TRIM22: variants seen among roughly 807,000 people sequenced by gnomAD.
TRIM22 encodes the protein E3 ubiquitin-protein ligase TRIM22.
In TRIM22, 45 loss-of-function variants were observed where a neutral mutation model predicts 53.6. The ratio of observed to expected loss-of-function variants is 0.84; its 90% CI spans 0.66 to 1.08. The LOEUF (loss-of-function observed/expected upper bound fraction) is 1.08. TRIM22 is among the 50% of genes least tolerant of loss of function. The probability of loss-of-function intolerance (pLI) is 0.00; values close to 1 mark genes in which losing one functional copy is unlikely to be tolerated. For synonymous variants in TRIM22, 225 were observed against 216.6 expected (o/e 1.04, Z -0.34); for missense variants, 616 against 590.9 (o/e 1.04, Z -0.44).
chr11:5,696,862 C>G (rs1208849195), intron 2 of TRIM22: 6 of 582,270 alleles, frequency 1.0e-5, no homozygotes, highest in Middle Eastern at 4.4e-4. Context: ...AAATTTTTAG[C>G]AAGGAAAAGT....
At chr11:5,702,856 C>G (rs1469795755) in intron 4 of TRIM22, among the ~76,000 whole-genome samples, 5 of 152,100 alleles carry the variant, frequency 3.3e-5, no homozygotes, top group Non-Finnish European at 1.5e-5. Context: ...AAAGTATTTC[C>G]TTCATTATTG....
At chr11:5,691,411 C>A (rs1453161201) in intron 1 of TRIM22, among the ~76,000 whole-genome samples, 1 of 152,194 alleles carries the variant, frequency 6.6e-6, no homozygotes, top group Non-Finnish European at 1.5e-5. Context: ...CTTTTCTATA[C>A]AATGTCTGGA....
intron 1 of TRIM22, 42 bp downstream of exon 1, chr11:5,689,941 G>A (rs1224010650): frequency 6.6e-6 from 1 of 152,312 alleles, no homozygotes; most frequent in African/African-American, 2.4e-5. Flanking sequence ...GGGAGGCTTT[G>A]AGAAGAATAG....
chr11:5,699,441 G>A (rs938969082), intron 4 of TRIM22, among the ~76,000 whole-genome samples: 12 of 137,298 alleles, frequency 8.7e-5, no homozygotes, highest in East Asian at 6.2e-4. Flanking sequence ...GGAGAATGGC[G>A]TGAACCCGGG....
chr11:5,708,644 T>C (rs141145180), intron 7 of TRIM22, 41 bp downstream of exon 7: 106 of 1,579,806 alleles, frequency 6.7e-5, no homozygotes, highest in South Asian at 6.4e-4. Flanking sequence ...CCTTTCAGAA[T>C]TGTGGTTACT....
At chr11:5,702,710 T>A (rs1398902379) in intron 4 of TRIM22, among the ~76,000 whole-genome samples, 1 of 152,096 alleles carries the variant, frequency 6.6e-6, no homozygotes, top group Non-Finnish European at 1.5e-5. Flanking sequence ...ATCTTATATA[T>A]TAGTTGAGAA....
chr11:5,708,720 T>A, intron 7 of TRIM22, 117 bp downstream of exon 7: 1 of 913,522 alleles, frequency 1.1e-6, no homozygotes. Context: ...GTAGTTCTTT[T>A]TTTTTTTTTT....
chr11:5,696,400 T>A lies in TRIM22; in HGVS notation c.168T>A (p.Cys56Ter). ...SVIISRGESS[C>*]PVCQTRFQPG... The stretch of plus-strand genomic sequence containing the variant: ...TCATCTCAAGAGGGGAAAGCAGCTG[T>A]CCTGTGTGTCAGACCAGATTCCAGC... The change falls in exon 2 of 8, where the codon TGT becomes TGA. Residue 56 changes from cysteine to a stop codon, truncating the protein, a stop_gained. Coordinates refer to ENST00000379965, the MANE Select transcript of TRIM22 (RefSeq NM_006074.5). LOFTEE classifies it high-confidence loss of function. The A allele has an allele frequency of 6.2e-7, 1 of 1,614,234 alleles. No homozygotes were observed. Among genetic ancestry groups the A allele is most frequent in the Non-Finnish European group, 8.5e-7 (1 of 1,180,036 alleles).
At chr11:5,700,352 C>A (rs1161200465) in intron 4 of TRIM22, among the ~76,000 whole-genome samples, 1 of 152,010 alleles carries the variant, frequency 6.6e-6, no homozygotes. Flanking sequence ...TGAGCTCAGG[C>A]AATCTGCCCG....
rs757947570 is a variant in TRIM22, at chr11:5,708,643, A to G, written c.901+40A>G. The G allele has an allele frequency of 2.1e-5, 33 of 1,586,686 alleles. No individual in the cohort carries two copies. The Middle Eastern group carries it at 8.4e-4, about 40-fold the overall frequency. On this transcript the variant is annotated intron_variant, in intron 7 of 7. Transcript: ENST00000379965. ...GGTTTTCAAATCACTTCCTTTCAGAATTGTGGTTACTATTAGATCTCATAA... is the reference window on the plus strand; with the variant it reads ...GGTTTTCAAATCACTTCCTTTCAGAGTTGTGGTTACTATTAGATCTCATAA...
Position 5,708,235 on chromosome 11 carries a change from G to A in TRIM22, c.836G>A (p.Arg279Gln), listed in dbSNP as rs181298463. ...SVSKKLKSVF[R>Q]VPDLSGMLQV... ...TCCAAGAAACTAAAGAGTGTATTCCGAGTACCAGATCTGAGTGGGATGCTG... is the reference window on the plus strand; with the variant it reads ...TCCAAGAAACTAAAGAGTGTATTCCAAGTACCAGATCTGAGTGGGATGCTG... Residue 279 changes from arginine (R) to glutamine (Q), a missense_variant, in exon 6 of 8, where the codon CGA becomes CAA. Coordinates refer to ENST00000379965, the MANE Select transcript of TRIM22 (RefSeq NM_006074.5). The A allele has an allele frequency of 1.9e-4, 313 of 1,614,150 alleles. 8 individuals carry two copies. In the Admixed American group the frequency reaches 4.6e-3, roughly 24 times the overall value.
At chr11:5,695,670 G>A (rs1168287228) in intron 1 of TRIM22, among the ~76,000 whole-genome samples, 1 of 151,846 alleles carries the variant, frequency 6.6e-6, no homozygotes, top group African/African-American at 2.4e-5. Context: ...ACTTAAAAAT[G>A]ATGTTTGATG....
At chr11:5,707,268 A>G (rs920652717) in intron 5 of TRIM22, among the ~76,000 whole-genome samples, 1 of 152,210 alleles carries the variant, frequency 6.6e-6, no homozygotes. Context: ...TTCCCCAAAT[A>G]ACTTGAAACC....
intron 6 of TRIM22, 21 bp from the exon 7 acceptor site, chr11:5,708,556 C>A: frequency 6.3e-7 from 1 of 1,599,568 alleles, no homozygotes; most frequent in South Asian, 1.1e-5. Flanking sequence ...AACAACATCA[C>A]TGAAACTTTT....
intron 4 of TRIM22, among the ~76,000 whole-genome samples, chr11:5,701,369 A>C (rs1418709034): frequency 6.6e-6 from 1 of 150,922 alleles, no homozygotes; most frequent in East Asian, 1.9e-4. Context: ...AATATTTTGG[A>C]GTATTACAGC....
In TRIM22 at chr11:5,708,211, C is replaced by G. The variant is rs771855880; in HGVS notation, c.812C>G (p.Ser271Cys). 6.2e-7 allele frequency: 1 copy of G among 1,614,168 alleles called. No individual in the cohort carries two copies. Among genetic ancestry groups the G allele is most frequent in the South Asian group, 1.1e-5 (1 of 91,088 alleles). Residue 271 changes from serine (S) to cysteine (C), a missense_variant, in exon 6 of 8, where the codon TCC (serine) becomes TGC (cysteine). Coordinates refer to ENST00000379965, the MANE Select transcript of TRIM22 (RefSeq NM_006074.5). The stretch of plus-strand genomic sequence containing the variant: ...ACATTGAAGAAGCCAAAATCTGTTT[C>G]CAAGAAACTAAAGAGTGTATTCCGA... The part of the protein sequence containing the change: ...SWTLKKPKSV[S>C]KKLKSVFRVP...
At chr11:5,702,467 T>A (rs1322060514) in intron 4 of TRIM22, among the ~76,000 whole-genome samples, 1 of 149,102 alleles carries the variant, frequency 6.7e-6, no homozygotes. Context: ...TTTAAAAATA[T>A]AAATAACACT....
intron 1 of TRIM22, among the ~76,000 whole-genome samples, chr11:5,694,798 G>GGTA (rs1230431764): frequency 2.0e-5 from 3 of 152,058 alleles, no homozygotes; most frequent in Non-Finnish European, 2.9e-5. Flanking sequence ...TGGTGGTGGT[G>GGTA]GTGTGTGGGT....
Position 5,700,521 on chromosome 11 carries a change from T to C in TRIM22, c.750+1976T>C, listed in dbSNP as rs561459166. 2.7e-5 allele frequency among the ~76,000 whole-genome samples: 4 copies of C among 150,628 alleles called. No individual in the cohort carries two copies. In the South Asian group the frequency reaches 8.4e-4, roughly 32 times the overall value. On this transcript the variant is annotated intron_variant, in intron 4 of 7. Transcript: ENST00000379965. ...GTGAGAGGGGATATCCTTTCCTTTT[T>C]TCTGACCTTAGGGGGAAAGTACTCA...
Sources: allele counts gnomAD v4.1 joint callset (sites outside exome capture counted in the v4.1 genomes callset), GRCh38; gene constraint gnomAD v4.1.1; transcripts MANE v1.5; gene names NCBI Gene and HGNC (gene_info 2026-07-23, HGNC 2026-07-21).